The following FAM107B variants were observed in gnomAD, a reference collection of about 807,000 sequenced individuals.
FAM107B encodes the protein protein FAM107B.
A neutral mutation model predicts 31.5 loss-of-function variants in FAM107B; 21 were observed. The observed-to-expected ratio is 0.67, with a 90% CI of 0.47 to 0.96. FAM107B has a LOEUF of 0.96. Among genes scored for constraint, FAM107B ranks in the 40% least tolerant of loss-of-function variants. The pLI is 0.00. For synonymous variants in FAM107B, 157 were observed against 141.5 expected, an observed-to-expected ratio of 1.11 and a Z score of -0.78; for missense variants, 452 against 377.1, an observed-to-expected ratio of 1.20 and a Z score of -1.64.
intron 1 of FAM107B, among the ~76,000 whole-genome samples, chr10:14,690,646 G>T (rs1233554996): frequency 6.6e-6 from 1 of 151,980 alleles, no homozygotes; most frequent in Non-Finnish European, 1.5e-5. Context: ...TAGAGACAGG[G>T]TTTCACCTTG....
At chr10:14,750,032 G>A (rs998150925) in intron 1 of FAM107B, among the ~76,000 whole-genome samples, 1 of 152,214 alleles carries the variant, frequency 6.6e-6, no homozygotes, top group African/African-American at 2.4e-5. Flanking sequence ...AACTCCGGAA[G>A]TTGGAAGCGA....
chr10:14,559,145 C>G (rs1215262467), intron 2 of FAM107B, among the ~76,000 whole-genome samples: 1 of 150,856 alleles, frequency 6.6e-6, no homozygotes, highest in Non-Finnish European at 1.5e-5. Context: ...GTGTCTAGCT[C>G]CAGCACAGGG....
intron 1 of FAM107B, among the ~76,000 whole-genome samples, chr10:14,736,410 GT>G: frequency 1.3e-5 from 2 of 152,188 alleles, no homozygotes; most frequent in Non-Finnish European, 2.9e-5. Context: ...GGTGATTTGA[GT>G]AGTTCGCCTC....
chr10:14,641,628 C>T (rs1387852982), intron 2 of FAM107B, among the ~76,000 whole-genome samples: 2 of 152,142 alleles, frequency 1.3e-5, no homozygotes, highest in African/African-American at 2.4e-5. Context: ...AGAGAGGAAG[C>T]GCTCTGATGT....
intron 2 of FAM107B, among the ~76,000 whole-genome samples, chr10:14,617,495 A>G (rs1414710481): frequency 2.0e-5 from 3 of 152,180 alleles, no homozygotes; most frequent in Non-Finnish European, 2.9e-5. Flanking sequence ...ATGATTTAAC[A>G]TAAAATTGTA....
chr10:14,684,053 G>A (rs921997270), intron 1 of FAM107B, among the ~76,000 whole-genome samples: 10 of 152,204 alleles, frequency 6.6e-5, no homozygotes, highest in African/African-American at 2.4e-4. Context: ...GATCAAGGCA[G>A]TGTTAGACTT....
chr10:14,729,517 C>G (rs1357454473), intron 1 of FAM107B, among the ~76,000 whole-genome samples: 1 of 151,764 alleles, frequency 6.6e-6, no homozygotes, highest in African/African-American at 2.4e-5. Flanking sequence ...AAGTATGGAG[C>G]AGATAAAGGG....
intron 1 of FAM107B, among the ~76,000 whole-genome samples, chr10:14,749,983 A>G (rs997895409): frequency 2.6e-5 from 4 of 152,218 alleles, no homozygotes; most frequent in Non-Finnish European, 5.9e-5. Flanking sequence ...CTCAGAGGCC[A>G]TCTTGAAGAG....
intron 2 of FAM107B, among the ~76,000 whole-genome samples, chr10:14,559,206 G>A (rs1850012773): frequency 6.6e-6 from 1 of 152,070 alleles, no homozygotes; most frequent in Non-Finnish European, 1.5e-5. Flanking sequence ...CACGGCCTGT[G>A]CCACAACACA....
chr10:14,678,384 A>AG (rs1354665503), intron 1 of FAM107B, among the ~76,000 whole-genome samples: 1 of 152,184 alleles, frequency 6.6e-6, no homozygotes, highest in Non-Finnish European at 1.5e-5. Context: ...CTGATTGTAT[A>AG]CACAACTTTC....
At chr10:14,685,889 G>A (rs996473857) in intron 1 of FAM107B, among the ~76,000 whole-genome samples, 6 of 152,150 alleles carry the variant, frequency 3.9e-5, no homozygotes, top group Non-Finnish European at 8.8e-5. Flanking sequence ...AATCATGGCG[G>A]AAGGCAAAAA....
chr10:14,605,345 G>T (rs1031216640), intron 2 of FAM107B, among the ~76,000 whole-genome samples: 1 of 150,520 alleles, frequency 6.6e-6, no homozygotes, highest in Non-Finnish European at 1.5e-5. Flanking sequence ...AATCACAGCA[G>T]GTACAAAATC....
chr10:14,632,363 G>A (rs547094329), intron 2 of FAM107B, among the ~76,000 whole-genome samples: 303 of 144,178 alleles, frequency 2.1e-3, no homozygotes, highest in African/African-American at 7.5e-3. Context: ...TGTAATCCCA[G>A]CACTTTGGGA....
chr10:14,671,723 A>G (rs553240746), intron 1 of FAM107B, among the ~76,000 whole-genome samples: 1 of 152,238 alleles, frequency 6.6e-6, no homozygotes, highest in African/African-American at 2.4e-5. Context: ...TGCGGCTGAA[A>G]CTGAAGCCCA....
chr10:14,716,392 G>T (rs1344866179), intron 1 of FAM107B, among the ~76,000 whole-genome samples: 1 of 152,200 alleles, frequency 6.6e-6, no homozygotes, highest in African/African-American at 2.4e-5. Flanking sequence ...AGGAGGCCCA[G>T]TGCCTTGCCA....
At chr10:14,758,246 G>T (rs146493859) in intron 1 of FAM107B, among the ~76,000 whole-genome samples, 17 of 152,304 alleles carry the variant, frequency 1.1e-4, no homozygotes, top group African/African-American at 3.9e-4. Context: ...ACACCTGGTA[G>T]TGGGAACTGT....
chr10:14,553,472 G>A (rs1588565783), intron 2 of FAM107B: 1 of 766,588 alleles, frequency 1.3e-6, no homozygotes, highest in South Asian at 1.6e-5. Context: ...TTTCTAAGAA[G>A]CTGAACAAAA....
At chr10:14,608,451 G>C (rs996270467) in intron 2 of FAM107B, among the ~76,000 whole-genome samples, 6 of 152,218 alleles carry the variant, frequency 3.9e-5, no homozygotes, top group Non-Finnish European at 1.5e-5. Context: ...GCTCAGCTGC[G>C]ATATCTTATT....
intron 2 of FAM107B, among the ~76,000 whole-genome samples, chr10:14,574,026 AAGAC>A (rs1412353967): frequency 6.6e-6 from 1 of 152,202 alleles, no homozygotes; most frequent in African/African-American, 2.4e-5. Context: ...GAAATGCCAC[AAGAC>A]CAGGGTAGAC....
Sources: gnomAD v4.1 joint callset for allele counts (sites outside exome capture counted in the v4.1 genomes callset) on GRCh38, gnomAD v4.1.1 for gene constraint, MANE v1.5 for transcripts, NCBI Gene and HGNC (gene_info 2026-07-23, HGNC 2026-07-21) for gene names.